The following ATP5MC3 variants were observed in gnomAD, a reference collection of about 807,000 sequenced individuals.
ATP5MC3 encodes the protein ATP synthase membrane subunit c locus 3.
In ATP5MC3, 6 loss-of-function variants were observed where a neutral mutation model predicts 15.6. The observed-to-expected ratio is 0.38, with a 90% confidence interval of 0.21 to 0.76. The LOEUF (loss-of-function observed/expected upper bound fraction) is 0.76. ATP5MC3 is among the 30% of genes least tolerant of loss of function. The pLI is 0.44. For missense variants in ATP5MC3, 132 were observed against 171.2 expected (o/e 0.77, Z 1.28); for synonymous variants, 66 against 63.3 (o/e 1.04, Z -0.20).
chr2:175,181,071 G>A (rs1367149600), intron 2 of ATP5MC3, among the ~76,000 whole-genome samples: 1 of 152,222 alleles, frequency 6.6e-6, no homozygotes, highest in Non-Finnish European at 1.5e-5. Context: ...GCTGAGAGAA[G>A]GTGGGGGAAA....
intron 2 of ATP5MC3, 145 bp from the exon 3 acceptor site, chr2:175,180,323 C>A: frequency 1.9e-6 from 1 of 530,748 alleles, no homozygotes; most frequent in Non-Finnish European, 3.1e-6. Context: ...GCTGTTTGGT[C>A]ATTTTTAATA....
At position 175,181,480 on chromosome 2, in the gene ATP5MC3, G is replaced by C. The variant is rs1052071226; in HGVS notation, c.-73-14C>G. On this transcript the variant is annotated splice_polypyrimidine_tract_variant and intron_variant, in intron 1 of 4. Coordinates refer to ENST00000284727, the MANE Select transcript of ATP5MC3 (RefSeq NM_001689.5). ...CCCGCTTCCTCTCTGCGGAGGAAAA[G>C]AGGCTTAAGGTCAAGTGCCCTCCAG... 3.1e-5 allele frequency: 48 copies of C among 1,542,964 alleles called. No homozygotes were observed. The highest frequency in any genetic ancestry group is 3.8e-5 in the Non-Finnish European group (43 of 1,129,158).
At chr2:175,180,584 C>T (rs1203336159) in intron 2 of ATP5MC3, among the ~76,000 whole-genome samples, 1 of 152,026 alleles carries the variant, frequency 6.6e-6, no homozygotes, top group East Asian at 1.9e-4. Context: ...AGTTAATAGC[C>T]CTGACCATTT....
At chr2:175,181,583 G>A in intron 1 of ATP5MC3, 73 bp downstream of exon 1, 2 of 660,116 alleles carry the variant, frequency 3.0e-6, no homozygotes, top group Non-Finnish European at 5.1e-6. Flanking sequence ...GTGAGGCGCC[G>A]GCACAATGAA....
At chr2:175,178,802 T>G in intron 4 of ATP5MC3, 1 of 1,150,826 alleles carries the variant, frequency 8.7e-7, no homozygotes, top group Non-Finnish European at 1.1e-6. Flanking sequence ...TTAGTTAAAA[T>G]TCATTTTCTG....
intron 4 of ATP5MC3, chr2:175,178,679 A>G (rs2105414185): frequency 8.5e-7 from 1 of 1,183,090 alleles, no homozygotes; most frequent in Non-Finnish European, 1.0e-6. Flanking sequence ...ACCTTTTAAG[A>G]TCTGACAGTT....
Position 175,180,210 on chromosome 2 carries a change from A to G in ATP5MC3, c.40-32T>C, listed in dbSNP as rs1270476893. 2.6e-6 allele frequency: 4 copies of G among 1,515,376 alleles called. No homozygotes were observed. In the Admixed American group the frequency reaches 9.2e-5, roughly 35 times the overall value. 93.9% of individuals were successfully genotyped at this position (1,515,376 alleles called of 1,614,324 possible). A position where few individuals can be genotyped will look rare whatever the true frequency, so the allele number is the denominator to read the frequency against. ...ATGAAAAAAAAATAAAGATTTCAAT[A>G]TTAAGAAAGAATACAGGTAAGACTT... On this transcript the variant is annotated intron_variant, in intron 2 of 4. Transcript: ENST00000284727.
chr2:175,179,651 G>A (rs1700740171), intron 3 of ATP5MC3: 2 of 207,668 alleles, frequency 9.6e-6, no homozygotes, highest in Non-Finnish European at 1.9e-5. Flanking sequence ...AACACTACAG[G>A]TGACCACCAG....
At position 175,177,416 on chromosome 2, in the gene ATP5MC3, A is replaced by T. The variant is rs1316687255; in HGVS notation, c.*872T>A. On this transcript the variant is annotated 3_prime_UTR_variant, in exon 5 of 5. Transcript: ENST00000284727. Reference sequence around the variant, plus strand: ...ATTTGCTAGGGGAAAAACTGTCTATAGTAGCACCATCTTCTTCCTTTGAAT... The same window carrying T: ...ATTTGCTAGGGGAAAAACTGTCTATTGTAGCACCATCTTCTTCCTTTGAAT... 2.0e-5 allele frequency: 3 copies of T among 152,204 alleles called. No homozygotes were observed. The highest frequency in any genetic ancestry group is 4.4e-5 in the Non-Finnish European group (3 of 68,012). The allele number at this position is 152,204 out of a possible 1,614,324, so 9.4% of individuals were successfully genotyped here.
intron 2 of ATP5MC3, 149 bp downstream of exon 2, chr2:175,181,206 A>G (rs1207566262): frequency 5.0e-6 from 5 of 995,186 alleles, no homozygotes; most frequent in Non-Finnish European, 7.3e-6. Flanking sequence ...AAGATTAGGA[A>G]GAAAACGGCA....
Position 175,181,644 on chromosome 2 carries a change from C to G in ATP5MC3, c.-74+12G>C, listed in dbSNP as rs1400873013. 2.0e-6 allele frequency: 1 copy of G among 512,200 alleles called. No homozygotes were observed. The highest frequency in any genetic ancestry group is 3.8e-5 in the Admixed American group (1 of 26,280). The allele number at this position is 512,200 out of a possible 1,614,324, so 31.7% of individuals were successfully genotyped here. A position where few individuals can be genotyped will look rare whatever the true frequency, so the allele number is the denominator to read the frequency against. On this transcript the variant is annotated intron_variant, in intron 1 of 4. Coordinates refer to ENST00000284727, the MANE Select transcript of ATP5MC3 (RefSeq NM_001689.5). ...CCCTGGCCAGGCCGGGCTCCCTGTG[C>G]CCTCCACTTACCTTCCCAGGAGGCG...
rs184571077 is a variant in ATP5MC3 at position 175,178,653 on chromosome 2, T to C, written c.315-251A>G. The C allele has an allele frequency of 4.3e-4, 518 of 1,215,298 alleles. 8 individuals are homozygous for C. The East Asian group carries it at 7.5e-3, about 18-fold the overall frequency. The allele number at this position is 1,215,298 out of a possible 1,614,324, so 75.3% of individuals were successfully genotyped here. ...ATGGGTTCTGACATTCTTATCCATC[T>C]GAAAATATGATCTATACCTTTTAAG... On this transcript the variant is annotated intron_variant, in intron 4 of 4. Coordinates refer to ENST00000284727, the MANE Select transcript of ATP5MC3 (RefSeq NM_001689.5).
In ATP5MC3 at chr2:175,177,705, C is replaced by T. The variant is rs1700709297; in HGVS notation, c.*583G>A. ...AAGATTCATTAGAGGCACACAATTG[C>T]TTAATGTGAGACTTACTGAAAAACA... On this transcript the variant is annotated 3_prime_UTR_variant, in exon 5 of 5. Coordinates refer to ENST00000284727, the MANE Select transcript of ATP5MC3 (RefSeq NM_001689.5). The T allele has an allele frequency of 6.6e-6, 1 of 152,128 alleles. No individual in the cohort carries two copies. Among genetic ancestry groups the T allele is most frequent in the South Asian group, 2.1e-4 (1 of 4,832 alleles). The allele number at this position is 152,128 out of a possible 1,614,324, so 9.4% of individuals were successfully genotyped here. A position where few individuals can be genotyped will look rare whatever the true frequency, so the allele number is the denominator to read the frequency against.
In ATP5MC3 at chr2:175,180,196, A is replaced by G. The variant is rs761642633; in HGVS notation, c.40-18T>C. ...GCTCGGATCTATTAATGAAAAAAAAATAAAGATTTCAATATTAAGAAAGAA... is the reference window on the plus strand; with the variant it reads ...GCTCGGATCTATTAATGAAAAAAAAGTAAAGATTTCAATATTAAGAAAGAA... On this transcript the variant is annotated intron_variant, in intron 2 of 4. Transcript: ENST00000284727. The G allele has an allele frequency of 3.2e-6, 5 of 1,550,482 alleles. No individual in the cohort carries two copies. The highest frequency in any genetic ancestry group is 4.3e-6 in the Non-Finnish European group (5 of 1,156,898).
chr2:175,181,216 A>C, intron 2 of ATP5MC3, 139 bp downstream of exon 2: 2 of 1,050,246 alleles, frequency 1.9e-6, no homozygotes, highest in Non-Finnish European at 2.7e-6. Context: ...AGAAAACGGC[A>C]ATGGGTTAAT....
Position 175,178,275 on chromosome 2 carries a change from A to G in ATP5MC3, c.*13T>C. ...TAATTAATATGAATGCCAACATGTC[A>G]AGCAGTAATTTGTTACATGGCAAAC... On this transcript the variant is annotated 3_prime_UTR_variant, in exon 5 of 5. Coordinates refer to ENST00000284727, the MANE Select transcript of ATP5MC3 (RefSeq NM_001689.5). The G allele has an allele frequency of 6.2e-7, 1 of 1,602,608 alleles. No individual in the cohort carries two copies. The highest frequency in any genetic ancestry group is 8.5e-7 in the Non-Finnish European group (1 of 1,176,940).
intron 2 of ATP5MC3, 65 bp downstream of exon 2, chr2:175,181,290 A>T: frequency 6.4e-7 from 1 of 1,570,938 alleles, no homozygotes; most frequent in Non-Finnish European, 8.6e-7. Flanking sequence ...CCCATTCAAC[A>T]ACGTGGACGC....
chr2:175,179,360 T>C (rs1574545077), intron 3 of ATP5MC3, 110 bp from the exon 4 acceptor site: 1 of 1,340,492 alleles, frequency 7.5e-7, no homozygotes, highest in East Asian at 2.5e-5. Context: ...TGTAGCTGAG[T>C]GTAAAGAGAC....
rs182114394 is a variant in ATP5MC3 at position 175,180,078 on chromosome 2, T to A, written c.120+20A>T. On this transcript the variant is annotated intron_variant, in intron 3 of 4. Transcript: ENST00000284727. ...CCTTATTTGGTAGTGTTACCTAATT[T>A]CAATTATTGCTACTATTACCTCTCC... is the stretch of plus-strand genomic sequence containing the variant. The A allele has an allele frequency of 3.2e-3, 5,076 of 1,562,896 alleles. 13 individuals are homozygous for A. Among genetic ancestry groups the A allele is most frequent in the Admixed American group, 5.2e-3 (256 of 49,312 alleles).
Sources: gnomAD v4.1 joint callset for allele counts (sites outside exome capture counted in the v4.1 genomes callset) on GRCh38, gnomAD v4.1.1 for gene constraint, MANE v1.5 for transcripts, NCBI Gene and HGNC (gene_info 2026-07-23, HGNC 2026-07-21) for gene names.